The following NECAB1 variants were observed in gnomAD, a reference collection of about 807,000 sequenced individuals.
The protein encoded by NECAB1 is N-terminal EF-hand calcium binding protein 1.
In NECAB1, 29 loss-of-function variants were observed where a neutral mutation model predicts 57.5. The observed-to-expected ratio is 0.50, with a 90% CI of 0.38 to 0.69. The LOEUF is 0.69. NECAB1 is among the 30% of genes least tolerant of loss of function. The probability of loss-of-function intolerance (pLI) is 0.00; values close to 1 mark genes in which losing one functional copy is unlikely to be tolerated. For synonymous variants in NECAB1, 142 were observed against 147.7 expected, an observed-to-expected ratio of 0.96 and a Z score of 0.28; for missense variants, 372 against 413.8, an observed-to-expected ratio of 0.90 and a Z score of 0.88.
chr8:90,959,175 C>T lies in NECAB1; in HGVS notation c.*3663C>T. On this transcript the variant is annotated 3_prime_UTR_variant, in exon 13 of 13. Coordinates refer to ENST00000417640, the MANE Select transcript of NECAB1 (RefSeq NM_022351.5). Reference sequence around the variant, plus strand: ...ATAGAAACTATTAAAGTAACTAGAACTGTCAAATAACAAAACGGCTCATGT... The same window carrying T: ...ATAGAAACTATTAAAGTAACTAGAATTGTCAAATAACAAAACGGCTCATGT... 2.3e-6 allele frequency: 1 copy of T among 433,004 alleles called. No homozygotes were observed. Among genetic ancestry groups the T allele is most frequent in the East Asian group, 3.9e-5 (1 of 25,938 alleles). The allele number at this position is 433,004 out of a possible 1,614,324, so 26.8% of individuals were successfully genotyped here. A position where few individuals can be genotyped will look rare whatever the true frequency, so the allele number is the denominator to read the frequency against.
chr8:90,922,927 G>A (rs1810162921), intron 6 of NECAB1, among the ~76,000 whole-genome samples: 1 of 152,150 alleles, frequency 6.6e-6, no homozygotes, highest in Admixed American at 6.5e-5. Flanking sequence ...TGGATAAAAG[G>A]AGGCATTAAC....
At chr8:90,837,395 T>C (rs894017883) in intron 3 of NECAB1, among the ~76,000 whole-genome samples, 2 of 152,218 alleles carry the variant, frequency 1.3e-5, no homozygotes, top group African/African-American at 4.8e-5. Context: ...GTATACAGTG[T>C]GGTTACCTTG....
intron 2 of NECAB1, among the ~76,000 whole-genome samples, chr8:90,820,346 G>C (rs903713887): frequency 1.3e-5 from 2 of 151,818 alleles, no homozygotes; most frequent in Non-Finnish European, 2.9e-5. Flanking sequence ...TTAGTAAGTT[G>C]TTTTAAAACA....
intron 5 of NECAB1, among the ~76,000 whole-genome samples, chr8:90,902,493 T>TAG (rs1344493669): frequency 2.0e-5 from 3 of 152,158 alleles, no homozygotes; most frequent in Admixed American, 6.5e-5. Context: ...TACGTTGTAC[T>TAG]TACTAATGCA....
intron 1 of NECAB1, 139 bp from the exon 2 acceptor site, chr8:90,801,552 A>C: frequency 1.5e-6 from 1 of 651,060 alleles, no homozygotes; most frequent in Non-Finnish European, 2.6e-6. Context: ...GATATTATAA[A>C]GAAAGATCTC....
chr8:90,941,861 T>C (rs796106149), intron 10 of NECAB1, among the ~76,000 whole-genome samples: 27 of 152,330 alleles, frequency 1.8e-4, no homozygotes, highest in African/African-American at 6.3e-4. Context: ...TCCAAATTCA[T>C]CTGCTTTTAG....
chr8:90,925,540 G>A lies in NECAB1; in HGVS notation c.500G>A (p.Gly167Glu). Residue 167 changes from glycine (G) to glutamate (E), a missense_variant, in exon 7 of 13, where the codon GGG becomes GAG. Transcript: ENST00000417640. ...TGTTATCTCTGTTGATCAAGGCAAG[G>A]GCCAGCCAAGCCAGAAGTCCTGTCG... is the stretch of plus-strand genomic sequence containing the variant. ...TEEQTRQERQGPAKPEVLSIQ... is the reference protein window; with the variant it reads ...TEEQTRQERQEPAKPEVLSIQ... 1 of 1,612,458 alleles carries A rather than the reference G, an allele frequency of 6.2e-7. No individual in the cohort carries two copies. The highest frequency in any genetic ancestry group is 8.5e-7 in the Non-Finnish European group (1 of 1,179,310).
chr8:90,882,722 GTAAC>G lies in NECAB1; in HGVS notation c.357+1594_357+1597del, dbSNP rs371072602. Among the ~76,000 whole-genome samples, 329 of 152,276 alleles carry G rather than the reference GTAAC, an allele frequency of 2.2e-3. 2 individuals carry two copies. The highest frequency in any genetic ancestry group is 3.5e-3 in the Non-Finnish European group (239 of 68,022). ...GCTGGCAATTTATCATAATCAGTGA[GTAAC>G]TGTGCAATGTTTTCGTTGTTGTTTA... On this transcript the variant is annotated intron_variant, in intron 5 of 12. Transcript: ENST00000417640.
intron 1 of NECAB1, among the ~76,000 whole-genome samples, chr8:90,800,412 A>T (rs1170213275): frequency 6.6e-6 from 1 of 151,994 alleles, no homozygotes; most frequent in Non-Finnish European, 1.5e-5. Flanking sequence ...GCATTCAAGG[A>T]GATGCTTCCA....
chr8:90,888,653 T>C (rs1809072518), intron 5 of NECAB1, among the ~76,000 whole-genome samples: 3 of 152,084 alleles, frequency 2.0e-5, no homozygotes, highest in African/African-American at 7.3e-5. Flanking sequence ...TATTTGAGAA[T>C]TAATTAGTTT....
chr8:90,894,904 T>G (rs760625784), intron 5 of NECAB1, among the ~76,000 whole-genome samples: 4 of 152,210 alleles, frequency 2.6e-5, no homozygotes, highest in Non-Finnish European at 5.9e-5. Flanking sequence ...TAAGTGTAAG[T>G]GCTTCATGAG....
At chr8:90,946,021 C>CCTTTAA (rs1286510961) in intron 10 of NECAB1, among the ~76,000 whole-genome samples, 1 of 152,180 alleles carries the variant, frequency 6.6e-6, no homozygotes, top group Admixed American at 6.5e-5. Context: ...AAGCCCTAAG[C>CCTTTAA]CTTTAACAAC....
At chr8:90,854,122 C>T (rs1255866289) in intron 3 of NECAB1, among the ~76,000 whole-genome samples, 1 of 152,092 alleles carries the variant, frequency 6.6e-6, no homozygotes, top group African/African-American at 2.4e-5. Context: ...ATGTAAGTTT[C>T]AAGCTTTATG....
intron 3 of NECAB1, among the ~76,000 whole-genome samples, chr8:90,833,718 T>C (rs146532912): frequency 6.6e-6 from 1 of 152,272 alleles, no homozygotes; most frequent in East Asian, 1.9e-4. Context: ...GCAGTAAAAT[T>C]GTAACCCCAA....
chr8:90,802,247 T>C (rs1811768980), intron 2 of NECAB1, among the ~76,000 whole-genome samples: 1 of 152,232 alleles, frequency 6.6e-6, no homozygotes, highest in Admixed American at 6.5e-5. Context: ...TGGCCACTGC[T>C]TTCCTATTTG....
At chr8:90,859,548 G>A (rs1318706378) in intron 3 of NECAB1, among the ~76,000 whole-genome samples, 1 of 152,118 alleles carries the variant, frequency 6.6e-6, no homozygotes, top group East Asian at 1.9e-4. Context: ...TGATGGTTGA[G>A]GGGTCTGCTG....
At chr8:90,880,994 A>G (rs1317121148) in intron 4 of NECAB1, 39 bp from the exon 5 acceptor site, 1 of 1,463,432 alleles carries the variant, frequency 6.8e-7, no homozygotes, top group East Asian at 2.5e-5. Context: ...GGTTACCTAA[A>G]CTCAAATATG....
chr8:90,851,341 A>T (rs1719356444), intron 3 of NECAB1, among the ~76,000 whole-genome samples: 1 of 152,196 alleles, frequency 6.6e-6, no homozygotes, highest in African/African-American at 2.4e-5. Context: ...GATCCTCCGG[A>T]CAGGACAGAA....
chr8:90,951,883 A>G (rs1313824874), intron 12 of NECAB1, among the ~76,000 whole-genome samples: 1 of 152,192 alleles, frequency 6.6e-6, no homozygotes, highest in Non-Finnish European at 1.5e-5. Flanking sequence ...GACTTGAGCT[A>G]GTCCTTAAAA....
Sources: gnomAD v4.1 joint callset for allele counts (sites outside exome capture counted in the v4.1 genomes callset) on GRCh38, gnomAD v4.1.1 for gene constraint, MANE v1.5 for transcripts, NCBI Gene and HGNC (gene_info 2026-07-23, HGNC 2026-07-21) for gene names.